Variants in KCNQ4 observed in about 807,000 individuals in gnomAD.
KCNQ4 encodes the protein potassium voltage-gated channel subfamily Q member 4.
A neutral mutation model predicts 72.6 loss-of-function variants in KCNQ4; 31 were observed. That is an observed-to-expected ratio of 0.43 (90% CI 0.32 to 0.58). The LOEUF (loss-of-function observed/expected upper bound fraction) is 0.58, where lower values mean the gene tolerates loss of function less well. Ranked by LOEUF, KCNQ4 falls within the 20% of genes least tolerant of loss-of-function variation. KCNQ4 has a pLI of 0.08. For synonymous variants in KCNQ4, 405 were observed against 403.7 expected (o/e 1.00, Z -0.04); for missense variants, 869 against 962.6 (o/e 0.90, Z 1.29).
At position 40,819,623 on chromosome 1, in the gene KCNQ4, A is replaced by G. The variant is rs11810608; in HGVS notation, c.834+151A>G. On this transcript the variant is annotated intron_variant, in intron 5 of 13. Coordinates refer to ENST00000347132, the MANE Select transcript of KCNQ4 (RefSeq NM_004700.4). ...TGGGACCCCCCTGAGACCAGCCCCA[A>G]TGCTAACCCCCCAACCTGCTCTGGT... 10,781 of 1,044,464 alleles carry G rather than the reference A, an allele frequency of 0.01. 748 individuals carry two copies. In the African/African-American group the frequency reaches 0.15, roughly 14 times the overall value. 64.7% of individuals were successfully genotyped at this position (1,044,464 alleles called of 1,614,324 possible).
intron 1 of KCNQ4, among the ~76,000 whole-genome samples, chr1:40,806,816 A>G (rs917652461): frequency 3.9e-5 from 6 of 152,186 alleles, no homozygotes; most frequent in African/African-American, 1.4e-4. Context: ...CACCTCTGCC[A>G]ACTTTCCTCT....
intron 1 of KCNQ4, among the ~76,000 whole-genome samples, chr1:40,799,543 C>G (rs1377558592): frequency 6.6e-6 from 1 of 152,188 alleles, no homozygotes; most frequent in Non-Finnish European, 1.5e-5. Context: ...CTGGCCTGGT[C>G]TGGCCTCTCC....
At chr1:40,815,429 G>A (rs1397655863) in intron 1 of KCNQ4, among the ~76,000 whole-genome samples, 1 of 152,142 alleles carries the variant, frequency 6.6e-6, no homozygotes, top group Non-Finnish European at 1.5e-5. Context: ...AGGGCTGCAT[G>A]AGATAACCTC....
intron 9 of KCNQ4, 81 bp from the exon 10 acceptor site, chr1:40,831,003 C>T (rs1648626078): frequency 8.0e-7 from 1 of 1,246,162 alleles, no homozygotes; most frequent in Non-Finnish European, 1.1e-6. Context: ...ACCCCCAAGT[C>T]CTAAGTCAGC....
chr1:40,824,054 G>A, intron 8 of KCNQ4, 43 bp from the exon 9 acceptor site: 1 of 1,547,794 alleles, frequency 6.5e-7, no homozygotes, highest in Non-Finnish European at 8.7e-7. Context: ...GAGGGGGGTG[G>A]TGCCATGGCC....
At chr1:40,791,717 G>A (rs937760987) in intron 1 of KCNQ4, among the ~76,000 whole-genome samples, 1 of 152,146 alleles carries the variant, frequency 6.6e-6, no homozygotes, top group Admixed American at 6.5e-5. Context: ...AAAATCTTGA[G>A]GCACATTCTC....
At position 40,818,789 on chromosome 1, in the gene KCNQ4, G is replaced by A. The variant is rs556047879; in HGVS notation, c.708+109G>A. 15,066 of 1,276,866 alleles carry A rather than the reference G, an allele frequency of 0.012. 141 individuals carry two copies. Among genetic ancestry groups the A allele is most frequent in the Non-Finnish European group, 0.013 (11,884 of 907,816 alleles). 79.1% of individuals were successfully genotyped at this position (1,276,866 alleles called of 1,614,324 possible). Reference sequence around the variant, plus strand: ...GAGGGGCTGTCTCCGTGCTGGGAAGGGGTGTGGCCTGCGGGGGTTGGAGCC... The same window carrying A: ...GAGGGGCTGTCTCCGTGCTGGGAAGAGGTGTGGCCTGCGGGGGTTGGAGCC... On this transcript the variant is annotated intron_variant, in intron 4 of 13. Coordinates refer to ENST00000347132, the MANE Select transcript of KCNQ4 (RefSeq NM_004700.4).
chr1:40,806,987 T>C (rs956434715), intron 1 of KCNQ4, among the ~76,000 whole-genome samples: 36 of 152,120 alleles, frequency 2.4e-4, no homozygotes, highest in Non-Finnish European at 5.9e-5. Flanking sequence ...CTCTGCAGTC[T>C]GGGCGCCACA....
intron 5 of KCNQ4, 50 bp from the exon 6 acceptor site, chr1:40,819,825 G>C (rs371398676): frequency 7.0e-7 from 1 of 1,433,674 alleles, no homozygotes; most frequent in Admixed American, 1.7e-5. Context: ...CCAACAAGCC[G>C]TAGGTGGCCC....
At chr1:40,819,313 C>T (rs200422313) in intron 4 of KCNQ4, 34 bp from the exon 5 acceptor site, 1 of 1,612,674 alleles carries the variant, frequency 6.2e-7, no homozygotes. Context: ...GCAGGCACAG[C>T]GCTCCTCACC....
chr1:40,836,924 A>T (rs536345390), intron 12 of KCNQ4, among the ~76,000 whole-genome samples: 1 of 152,144 alleles, frequency 6.6e-6, no homozygotes, highest in South Asian at 2.1e-4. Flanking sequence ...GAGGTAGAGG[A>T]TAGAGATAAC....
chr1:40,789,099 G>C (rs1414017513), intron 1 of KCNQ4, among the ~76,000 whole-genome samples: 4 of 152,212 alleles, frequency 2.6e-5, no homozygotes, highest in Non-Finnish European at 5.9e-5. Flanking sequence ...TGCCCTTGCG[G>C]GTCTGTGTGT....
At chr1:40,803,755 C>T (rs540442793) in intron 1 of KCNQ4, among the ~76,000 whole-genome samples, 1 of 152,230 alleles carries the variant, frequency 6.6e-6, no homozygotes, top group East Asian at 1.9e-4. Context: ...GCTCTCAGGG[C>T]AGCTGTAACC....
chr1:40,814,036 T>G (rs950298179), intron 1 of KCNQ4, among the ~76,000 whole-genome samples: 1 of 133,106 alleles, frequency 7.5e-6, no homozygotes, highest in Non-Finnish European at 1.6e-5. Flanking sequence ...CGTGAGCCAC[T>G]GCGCCCGGCC....
intron 1 of KCNQ4, among the ~76,000 whole-genome samples, chr1:40,799,402 A>G (rs915091754): frequency 4.0e-5 from 6 of 151,694 alleles, no homozygotes; most frequent in African/African-American, 1.5e-4. Flanking sequence ...AAATTTGGCT[A>G]CAAGTCAGGG....
rs555800483 is a variant in KCNQ4, at chr1:40,833,018, C to T, written c.1518C>T (p.Ala506=). 2 of 1,613,254 alleles carry T rather than the reference C, an allele frequency of 1.2e-6. No individual in the cohort carries two copies. The highest frequency in any genetic ancestry group is 1.7e-6 in the Non-Finnish European group (2 of 1,179,648). ...RLKPRTSAED[A]PSEEVAEEKS... is the part of the protein sequence containing the mutation. The stretch of plus-strand genomic sequence containing the variant: ...GCCCCATACCTGCCTTTTCAGATGC[C>T]CCCTCAGAGGAAGTAGCAGAGGAGA... Residue 506 remains alanine (A), a synonymous_variant, in exon 11 of 14, where the codon GCC becomes GCT. Transcript: ENST00000347132.
chr1:40,800,125 A>G (rs533357849), intron 1 of KCNQ4, among the ~76,000 whole-genome samples: 25 of 152,188 alleles, frequency 1.6e-4, no homozygotes, highest in African/African-American at 5.3e-4. Flanking sequence ...CCCTTCTCCC[A>G]GGGGCTGTCA....
chr1:40,799,072 G>A (rs147106905), intron 1 of KCNQ4, among the ~76,000 whole-genome samples: 359 of 152,380 alleles, frequency 2.4e-3, no homozygotes, highest in Middle Eastern at 6.8e-3. Flanking sequence ...GGCCAGGGCC[G>A]TGGGAGAGGT....
intron 3 of KCNQ4, 100 bp from the exon 4 acceptor site, chr1:40,818,405 C>CCCCCCCA: frequency 6.5e-7 from 1 of 1,545,652 alleles, no homozygotes; most frequent in Non-Finnish European, 8.8e-7. Flanking sequence ...CGGACCCTCC[C>CCCCCCCA]CCTCCCTCCC....
Sources: allele counts gnomAD v4.1 joint callset (sites outside exome capture counted in the v4.1 genomes callset), GRCh38; gene constraint gnomAD v4.1.1; transcripts MANE v1.5; gene names NCBI Gene and HGNC (gene_info 2026-07-23, HGNC 2026-07-21).